The following HJURP variants were observed in gnomAD, a reference collection of about 807,000 sequenced individuals.
HJURP encodes 14-3-3-associated AKT substrate.
HJURP carries 49 observed loss-of-function variants against 72.0 expected under a neutral mutation model. The observed-to-expected ratio is 0.68, with a 90% confidence interval of 0.54 to 0.86. The LOEUF is 0.86. Ranked by LOEUF, HJURP falls within the 40% of genes least tolerant of loss-of-function variation. HJURP has a pLI of 0.00. For synonymous variants in HJURP, 357 were observed against 347.1 expected (o/e 1.03, Z -0.32); for missense variants, 908 against 936.3 (o/e 0.97, Z 0.39).
At chr2:233,854,202 C>T (rs1272497992) in intron 1 of HJURP, among the ~76,000 whole-genome samples, 182 bp downstream of exon 1, 1 of 152,006 alleles carries the variant, frequency 6.6e-6, no homozygotes, top group African/African-American at 2.4e-5. Context: ...GCGCTGCCTC[C>T]TTTTTCCCTC....
At chr2:233,839,605 A>G (rs1443823039) in intron 8 of HJURP, among the ~76,000 whole-genome samples, 2 of 152,190 alleles carry the variant, frequency 1.3e-5, no homozygotes, top group Non-Finnish European at 2.9e-5. Context: ...GGCACCACAG[A>G]AGGAACAAGG....
chr2:233,844,323 G>A (rs2124967310), intron 6 of HJURP, 40 bp from the exon 7 acceptor site: 2 of 1,509,116 alleles, frequency 1.3e-6, no homozygotes, highest in Non-Finnish European at 9.2e-7. Context: ...AAAGTTGCCA[G>A]GTGTCAACTG....
chr2:233,852,618 A>G lies in HJURP; in HGVS notation c.187T>C (p.Leu63=), dbSNP rs754548881. 4 of 1,600,766 alleles carry G rather than the reference A, an allele frequency of 2.5e-6. No homozygotes were observed. The highest frequency in any genetic ancestry group is 1.7e-5 in the Admixed American group (1 of 59,990). ...ATLTYETPQG[L]RIWGGRLIKE... Reference sequence around the variant, plus strand: ...ATTAGTCTTCCACCCCAAATTCTCAATCCTGAAGAAAAGAAACAAAAATGA... The same window carrying G: ...ATTAGTCTTCCACCCCAAATTCTCAGTCCTGAAGAAAAGAAACAAAAATGA... Residue 63 remains leucine (L), a splice_region_variant and synonymous_variant, in exon 3 of 9, where the codon TTG becomes CTG. Transcript: ENST00000411486.
rs796533020 is a variant in HJURP, at chr2:233,846,030, CA to C, written c.403-211del. 7 of 488,366 alleles carry C rather than the reference CA, an allele frequency of 1.4e-5. No homozygotes were observed. Among genetic ancestry groups the C allele is most frequent in the South Asian group, 3.2e-5 (1 of 30,814 alleles). 30.3% of individuals were successfully genotyped at this position (488,366 alleles called of 1,614,324 possible). On this transcript the variant is annotated intron_variant, in intron 5 of 8. Coordinates refer to ENST00000411486, the MANE Select transcript of HJURP (RefSeq NM_018410.5). This position sits in a 1 kb window ranked among gnomAD's most constrained non-coding sequence, Gnocchi z 4.3. ...AAGAATGTAAAAAGACACACACACA[CA>C]AAAAAACCATGTCTAGAGAAGTTTA...
chr2:233,854,449 G>A lies in HJURP; in HGVS notation c.52C>T (p.Leu18=). ...CGACTGGCCCTGAGCTTCTGCAGCA[G>A]CTGGTCGTCTTCCACGTCCTCGCCC... is the stretch of plus-strand genomic sequence containing the variant. ...MEGEDVEDDQ[L]LQKLRASRRR... Residue 18 remains leucine (L), a synonymous_variant, in exon 1 of 9, where the codon CTG becomes TTG. Coordinates refer to ENST00000411486, the MANE Select transcript of HJURP (RefSeq NM_018410.5). 1.2e-6 allele frequency: 2 copies of A among 1,612,544 alleles called. No individual in the cohort carries two copies. Among genetic ancestry groups the A allele is most frequent in the Non-Finnish European group, 1.7e-6 (2 of 1,179,512 alleles).
At chr2:233,842,862 C>A (rs1439809371) in intron 7 of HJURP, among the ~76,000 whole-genome samples, 1 of 152,180 alleles carries the variant, frequency 6.6e-6, no homozygotes, top group Non-Finnish European at 1.5e-5. Context: ...TGTTAACTCA[C>A]TGCGGCTGGT....
Position 233,837,335 on chromosome 2 carries a change from A to T in HJURP, c.*242T>A. 1 of 326,904 alleles carries T rather than the reference A, an allele frequency of 3.1e-6. No homozygotes were observed. 20.3% of individuals were successfully genotyped at this position (326,904 alleles called of 1,614,324 possible). On this transcript the variant is annotated 3_prime_UTR_variant, in exon 9 of 9. Coordinates refer to ENST00000411486, the MANE Select transcript of HJURP (RefSeq NM_018410.5). ...AAACAAATAACCCCCCCCCAAAAAA[A>T]ACACACACATCAGAAAAACAGGCCT...
At chr2:233,847,768 G>A (rs1705403774) in intron 4 of HJURP, among the ~76,000 whole-genome samples, 1 of 152,218 alleles carries the variant, frequency 6.6e-6, no homozygotes, top group African/African-American at 2.4e-5. Flanking sequence ...AGAACTTCCG[G>A]TGACCATGGA....
chr2:233,845,773 G>T lies in HJURP; in HGVS notation c.450C>A (p.Tyr150Ter). The T allele has an allele frequency of 6.2e-7, 1 of 1,613,456 alleles. No homozygotes were observed. The highest frequency in any genetic ancestry group is 8.5e-7 in the Non-Finnish European group (1 of 1,179,402). ...SPLKNELRRK[Y>*]LTQVDILLQG... Reference sequence around the variant, plus strand: ...GTAGCAGTATATCCACTTGGGTCAAGTATTTCCTTCTTAATTCATTTTTCA... The same window carrying T: ...GTAGCAGTATATCCACTTGGGTCAATTATTTCCTTCTTAATTCATTTTTCA... The change falls in exon 6 of 9, where the codon TAC becomes TAA. Residue 150 changes from tyrosine (Y) to a stop codon, truncating the protein, a stop_gained. Transcript: ENST00000411486. LOFTEE classifies it high-confidence loss of function.
rs202022630 is a variant in HJURP at position 233,842,020 on chromosome 2, C to T, written c.760G>A (p.Asp254Asn). Residue 254 changes from aspartate (D) to asparagine (N), a missense_variant, in exon 8 of 9, where the codon GAC (aspartate) becomes AAC (asparagine). Asp to Asn is a conservative substitution (Grantham distance 23). Transcript: ENST00000411486. ...FLSSQPFEDDDICNVTISDLY... is the reference protein window; with the variant it reads ...FLSSQPFEDDNICNVTISDLY... ...TCACTGATGGTCACATTGCAAATGT[C>T]ATCATCTTCAAAGGGCTGGCTGCTT... 3.0e-4 allele frequency: 477 copies of T among 1,614,186 alleles called. 4 individuals are homozygous for T. In the South Asian group the frequency reaches 3.7e-3, roughly 13 times the overall value.
At chr2:233,838,753 A>G (rs562029099) in intron 8 of HJURP, among the ~76,000 whole-genome samples, 2 of 152,312 alleles carry the variant, frequency 1.3e-5, no homozygotes, top group Admixed American at 6.5e-5. Flanking sequence ...TCATCTGTTA[A>G]ACAGAACGCA....
intron 8 of HJURP, among the ~76,000 whole-genome samples, chr2:233,837,898 A>G (rs1705117824): frequency 6.6e-6 from 1 of 152,194 alleles, no homozygotes; most frequent in African/African-American, 2.4e-5. Context: ...CACATCCCAC[A>G]CCCTGGCCCA....
chr2:233,849,101 G>A (rs1052347914), intron 4 of HJURP, among the ~76,000 whole-genome samples: 14 of 152,178 alleles, frequency 9.2e-5, no homozygotes, highest in African/African-American at 2.9e-4. Flanking sequence ...GAAAGGAGTC[G>A]GGAGAGGAGG....
intron 4 of HJURP, 75 bp downstream of exon 4, chr2:233,849,688 G>C: frequency 1.1e-6 from 1 of 918,188 alleles, no homozygotes; most frequent in Non-Finnish European, 1.7e-6. Flanking sequence ...AGGAATCTAG[G>C]CTTTAAGCTG....
Position 233,844,190 on chromosome 2 carries a change from C to T in HJURP, c.574+15G>A, listed in dbSNP as rs1559497334. ...GAAACACGCACTGTTCATACAGTTT[C>T]TATGTCACACTCACCGGGGGCAGGC... On this transcript the variant is annotated intron_variant, in intron 7 of 8. Transcript: ENST00000411486. 1 of 1,612,336 alleles carries T rather than the reference C, an allele frequency of 6.2e-7. No individual in the cohort carries two copies.
chr2:233,841,513 G>A lies in HJURP; in HGVS notation c.1267C>T (p.Arg423Ter), dbSNP rs774200143. The change falls in exon 8 of 9, where the codon CGA (arginine) becomes TGA (stop). Residue 423 changes from arginine to a stop codon, truncating the protein, a stop_gained. Coordinates refer to ENST00000411486, the MANE Select transcript of HJURP (RefSeq NM_018410.5). LOFTEE classifies it high-confidence loss of function. Reference sequence around the variant, plus strand: ...TGACGGTTCTCTCCATGGCCCTGTCGTATTGTTGGTCTGGAAACTATTTTT... The same window carrying A: ...TGACGGTTCTCTCCATGGCCCTGTCATATTGTTGGTCTGGAAACTATTTTT... ...PVKIVSRPTIRQGHGENRQRE... is the reference protein window; with the variant it reads ...PVKIVSRPTI 5.6e-6 allele frequency: 9 copies of A among 1,613,914 alleles called. No individual in the cohort carries two copies. The highest frequency in any genetic ancestry group is 3.3e-5 in the Admixed American group (2 of 60,006).
Position 233,844,252 on chromosome 2 carries a change from C to T in HJURP, c.527G>A (p.Arg176His), listed in dbSNP as rs758981146. Residue 176 changes from arginine to histidine, a missense_variant, in exon 7 of 9, where the codon CGT becomes CAT. Around this residue, in one of 3 missense-constraint regions of HJURP, gnomAD observed 299 missense variants for 286.7 expected, o/e 1.04. Coordinates refer to ENST00000411486, the MANE Select transcript of HJURP (RefSeq NM_018410.5). ...GGCCAGTGAAGGCAGCGGAGTCACA[C>T]GTACATCCCTTCCAGCTCTGTTACC... ...CAGNRAGRDVRVTPLPSLASP... is the reference protein window; with the variant it reads ...CAGNRAGRDVHVTPLPSLASP... 2.4e-5 allele frequency: 39 copies of T among 1,614,068 alleles called. No individual in the cohort carries two copies. The highest frequency in any genetic ancestry group is 5.5e-5 in the South Asian group (5 of 91,084).
intron 3 of HJURP, among the ~76,000 whole-genome samples, chr2:233,851,041 C>T (rs896988776): frequency 9.9e-5 from 15 of 152,244 alleles, no homozygotes; most frequent in Admixed American, 3.3e-4. Context: ...TCTCAGGCTA[C>T]GCCCAGTTTC....
chr2:233,852,571 C>T lies in HJURP; in HGVS notation c.234G>A (p.Glu78=), dbSNP rs774753113. 15 of 1,599,874 alleles carry T rather than the reference C, an allele frequency of 9.4e-6. No individual in the cohort carries two copies. Among genetic ancestry groups the T allele is most frequent in the Non-Finnish European group, 1.2e-5 (14 of 1,166,946 alleles). The change falls in exon 3 of 9, where the codon GAG becomes GAA. Residue 78 remains glutamate, a synonymous_variant. Transcript: ENST00000411486. ...AAAATTTGACACTAAATACCTGGAT[C>T]TCTCCTTCGTTTCTTTCCTTTATTA... The part of the protein sequence containing the change: ...GRLIKERNEG[E]IQDSSMKPAD...
Sources: allele counts gnomAD v4.1 joint callset (sites outside exome capture counted in the v4.1 genomes callset), GRCh38; gene constraint gnomAD v4.1.1; regional missense constraint gnomAD v4.1.1; non-coding constraint Gnocchi (gnomAD v3.1); transcripts MANE v1.5; gene names NCBI Gene and HGNC (gene_info 2026-07-23, HGNC 2026-07-21).